NOL4: variants seen among roughly 807,000 people sequenced by gnomAD.
The protein encoded by NOL4 is nucleolar protein 4.
Under a neutral mutation model 75.9 loss-of-function variants are expected in NOL4, and 17 were observed. The observed-to-expected ratio is 0.22, with a 90% confidence interval of 0.15 to 0.34. The LOEUF (loss-of-function observed/expected upper bound fraction) is 0.34. NOL4 is among the 10% of genes least tolerant of loss of function. The pLI, the probability that NOL4 is intolerant of heterozygous loss-of-function variation, is 1.00. For synonymous variants in NOL4, 292 were observed against 289.9 expected (o/e 1.01, Z -0.07); for missense variants, 614 against 793.5 (o/e 0.77, Z 2.72).
rs547381202 is a variant in NOL4, at chr18:33,982,186, C to T, written c.1057-23768G>A. On this transcript the variant is annotated intron_variant, in intron 6 of 10. Transcript: ENST00000261592. ...GCAATGAATAGAAAACAGTAACAAA[C>T]ATAGTAGACATTACTCAAACTATAT... Among the ~76,000 whole-genome samples the T allele has an allele frequency of 2.4e-4, 37 of 152,064 alleles. No individual in the cohort carries two copies. In the South Asian group the frequency reaches 5.2e-3, roughly 21 times the overall value.
chr18:34,029,298 T>C (rs2075514145), intron 5 of NOL4, among the ~76,000 whole-genome samples: 1 of 152,182 alleles, frequency 6.6e-6, no homozygotes, highest in Non-Finnish European at 1.5e-5. Context: ...TCTCCCTTAT[T>C]GGGACACATC....
Position 34,223,470 on chromosome 18 carries a change from C to T in NOL4, c.-217G>A. 1 of 613,886 alleles carries T rather than the reference C, an allele frequency of 1.6e-6. No homozygotes were observed. The highest frequency in any genetic ancestry group is 2.8e-5 in the East Asian group (1 of 35,532). 38.0% of individuals were successfully genotyped at this position (613,886 alleles called of 1,614,324 possible). ...CCCGTGCTACCAAGTCTGGTCCATTCGTAATTGCAACGGCTGTCTCGGACG... is the reference window on the plus strand; with the variant it reads ...CCCGTGCTACCAAGTCTGGTCCATTTGTAATTGCAACGGCTGTCTCGGACG... On this transcript the variant is annotated 5_prime_UTR_variant, in exon 1 of 11. Coordinates refer to ENST00000261592, the MANE Select transcript of NOL4 (RefSeq NM_003787.5).
intron 10 of NOL4, among the ~76,000 whole-genome samples, chr18:33,854,887 C>A (rs2062771430): frequency 6.6e-6 from 1 of 151,882 alleles, no homozygotes. Flanking sequence ...TTCTAATCGG[C>A]AGTTTTTGAA....
At chr18:34,034,137 G>A (rs1316489559) in intron 5 of NOL4, among the ~76,000 whole-genome samples, 1 of 152,054 alleles carries the variant, frequency 6.6e-6, no homozygotes, top group Non-Finnish European at 1.5e-5. Context: ...GACAAATGAG[G>A]AAGAGAAAGG....
intron 10 of NOL4, among the ~76,000 whole-genome samples, chr18:33,859,546 C>T (rs1247592824): frequency 1.3e-5 from 2 of 152,108 alleles, no homozygotes; most frequent in African/African-American, 4.8e-5. Context: ...TTTCTCCTTG[C>T]TATTTTGTTA....
intron 9 of NOL4, 59 bp from the exon 10 acceptor site, chr18:33,883,483 C>G: frequency 7.3e-7 from 1 of 1,374,500 alleles, no homozygotes; most frequent in Non-Finnish European, 9.9e-7. Flanking sequence ...TCACCTTGAA[C>G]AGGACTACCT....
At chr18:34,081,437 T>C (rs536098148) in intron 5 of NOL4, among the ~76,000 whole-genome samples, 2 of 152,266 alleles carry the variant, frequency 1.3e-5, no homozygotes, top group South Asian at 4.1e-4. Context: ...ATATAATGTA[T>C]GTTATTTTAA....
intron 9 of NOL4, among the ~76,000 whole-genome samples, chr18:33,917,375 C>T (rs2066784847): frequency 6.6e-6 from 1 of 152,064 alleles, no homozygotes; most frequent in Non-Finnish European, 1.5e-5. Flanking sequence ...CAGGAATCCA[C>T]ATAAATTAGG....
intron 1 of NOL4, among the ~76,000 whole-genome samples, chr18:34,217,354 G>A (rs957587755): frequency 2.6e-5 from 4 of 151,486 alleles, no homozygotes; most frequent in Admixed American, 1.3e-4. Flanking sequence ...GTGCGATCTC[G>A]GCTCACTGCA....
chr18:34,064,985 A>G (rs1442004588), intron 5 of NOL4, among the ~76,000 whole-genome samples: 1 of 151,860 alleles, frequency 6.6e-6, no homozygotes, highest in Non-Finnish European at 1.5e-5. Flanking sequence ...GCCAAAAAAG[A>G]AAAATATACA....
intron 1 of NOL4, among the ~76,000 whole-genome samples, chr18:34,197,782 A>AT (rs2035441564): frequency 6.6e-6 from 1 of 151,954 alleles, no homozygotes; most frequent in African/African-American, 2.4e-5. Context: ...AGCATCATTA[A>AT]TTTAAGGACA....
intron 9 of NOL4, among the ~76,000 whole-genome samples, chr18:33,901,266 T>C (rs905508393): frequency 6.6e-6 from 1 of 152,092 alleles, no homozygotes; most frequent in East Asian, 1.9e-4. Flanking sequence ...GAATACAAGA[T>C]CGTTTGTTCA....
chr18:34,144,931 G>T (rs1212877259), intron 1 of NOL4, among the ~76,000 whole-genome samples: 1 of 152,030 alleles, frequency 6.6e-6, no homozygotes, highest in Non-Finnish European at 1.5e-5. Context: ...ACTTTCACCA[G>T]TATGAGGAAA....
intron 6 of NOL4, among the ~76,000 whole-genome samples, chr18:33,997,002 C>A (rs1040337759): frequency 6.6e-6 from 1 of 151,798 alleles, no homozygotes; most frequent in Non-Finnish European, 1.5e-5. Context: ...GGATGTTGAA[C>A]TTTTGTCAGA....
At chr18:34,159,414 G>A (rs1440420340) in intron 1 of NOL4, among the ~76,000 whole-genome samples, 1 of 152,186 alleles carries the variant, frequency 6.6e-6, no homozygotes. Flanking sequence ...ACCCGAGCAT[G>A]AGCTTGGGTC....
intron 1 of NOL4, among the ~76,000 whole-genome samples, chr18:34,163,714 T>C (rs1168608238): frequency 6.6e-6 from 1 of 152,168 alleles, no homozygotes; most frequent in Non-Finnish European, 1.5e-5. Flanking sequence ...TACCAGTGAC[T>C]TTCTTCACAG....
intron 5 of NOL4, among the ~76,000 whole-genome samples, chr18:34,079,489 C>A (rs1370792239): frequency 2.0e-5 from 3 of 151,896 alleles, no homozygotes; most frequent in Non-Finnish European, 2.9e-5. Flanking sequence ...GTTGCTGAAC[C>A]CTTCAGGTGC....
intron 1 of NOL4, 61 bp from the exon 2 acceptor site, chr18:34,130,081 A>G: frequency 7.2e-7 from 1 of 1,397,558 alleles, no homozygotes; most frequent in Non-Finnish European, 9.4e-7. Context: ...TGCATTTAAT[A>G]CACAAATTGT....
Position 34,036,361 on chromosome 18 carries a change from G to GA in NOL4, c.773-16761dup, listed in dbSNP as rs1160091226. Among the ~76,000 whole-genome samples the GA allele has an allele frequency of 2.0e-4, 9 of 44,770 alleles. No individual in the cohort carries two copies. In the East Asian group the frequency reaches 0.024, roughly 120 times the overall value. 29.4% of individuals were successfully genotyped at this position (44,770 alleles called of 152,430 possible). A position where few individuals can be genotyped will look rare whatever the true frequency, so the allele number is the denominator to read the frequency against. ...AGGAAATGCATCATATCAATAAAAT[G>GA]AAGGGAAAAAACAACAGATGCCGAA... On this transcript the variant is annotated intron_variant, in intron 5 of 10. Coordinates refer to ENST00000261592, the MANE Select transcript of NOL4 (RefSeq NM_003787.5).
Sources: allele counts gnomAD v4.1 joint callset (sites outside exome capture counted in the v4.1 genomes callset), GRCh38; gene constraint gnomAD v4.1.1; transcripts MANE v1.5; gene names NCBI Gene and HGNC (gene_info 2026-07-23, HGNC 2026-07-21).